The following BCAS3 variants were observed in gnomAD, a reference collection of about 807,000 sequenced individuals.
BCAS3 encodes the protein BCAS4/BCAS3 fusion.
Under a neutral mutation model 116.1 loss-of-function variants are expected in BCAS3, and 53 were observed. The observed-to-expected ratio is 0.46, with a 90% confidence interval of 0.37 to 0.57. The LOEUF is 0.57. Ranked by LOEUF, BCAS3 falls within the 20% of genes least tolerant of loss-of-function variation. The pLI is 0.00. For synonymous variants in BCAS3, 391 were observed against 408.2 expected, an observed-to-expected ratio of 0.96 and a Z score of 0.51; for missense variants, 917 against 1,165.4, an observed-to-expected ratio of 0.79 and a Z score of 3.10.
chr17:61,194,280 A>C (rs143617073), intron 22 of BCAS3, among the ~76,000 whole-genome samples: 58 of 152,310 alleles, frequency 3.8e-4, no homozygotes, highest in African/African-American at 1.3e-3. Context: ...GAGACAGAGA[A>C]AGAAAACATG....
chr17:60,988,567 G>T (rs2063330188), intron 14 of BCAS3, among the ~76,000 whole-genome samples: 1 of 151,510 alleles, frequency 6.6e-6, no homozygotes, highest in Non-Finnish European at 1.5e-5. Context: ...ATCTTCAGTC[G>T]CATTACTTGT....
intron 7 of BCAS3, among the ~76,000 whole-genome samples, chr17:60,868,330 TATC>T (rs2054810059): frequency 6.6e-6 from 1 of 152,112 alleles, no homozygotes; most frequent in South Asian, 2.1e-4. Context: ...AGCCTAATCA[TATC>T]ATTTTTCTTC....
rs1171143691 is a variant in BCAS3, at chr17:61,095,784, TA to T, written c.2425+11222del. Among the ~76,000 whole-genome samples, 1 of 151,984 alleles carries T rather than the reference TA, an allele frequency of 6.6e-6. No homozygotes were observed. Among genetic ancestry groups the T allele is most frequent in the African/African-American group, 2.4e-5 (1 of 41,376 alleles). On this transcript the variant is annotated intron_variant, in intron 22 of 23. Coordinates refer to ENST00000407086, the MANE Select transcript of BCAS3 (RefSeq NM_017679.5). This position sits in a 1 kb window ranked among gnomAD's most constrained non-coding sequence, Gnocchi z 4.7. Reference sequence around the variant, plus strand: ...ACCTGACTGGGGTCCTGAGTTTTTTTAAGCACACTGGGATCCTGAATTTTAA... The same window carrying T: ...ACCTGACTGGGGTCCTGAGTTTTTTTAGCACACTGGGATCCTGAATTTTAA...
chr17:61,109,408 C>T (rs1233542575), intron 22 of BCAS3, among the ~76,000 whole-genome samples: 1 of 151,752 alleles, frequency 6.6e-6, no homozygotes, highest in African/African-American at 2.4e-5. Flanking sequence ...GTGCTATAAA[C>T]GTGTGTGCAA....
chr17:61,137,419 CATATAGCAA>C (rs1372624223), intron 22 of BCAS3, among the ~76,000 whole-genome samples: 1 of 152,178 alleles, frequency 6.6e-6, no homozygotes, highest in African/African-American at 2.4e-5. Flanking sequence ...ATAGTATGTG[CATATAGCAA>C]ATATGAGCAA....
At chr17:60,707,226 C>T (rs2037277601) in intron 4 of BCAS3, among the ~76,000 whole-genome samples, 1 of 152,100 alleles carries the variant, frequency 6.6e-6, no homozygotes, top group South Asian at 2.1e-4. Context: ...TTCCCGACCT[C>T]AGGTGATCTG....
intron 7 of BCAS3, among the ~76,000 whole-genome samples, chr17:60,866,574 C>T (rs922681479): frequency 6.6e-6 from 1 of 152,148 alleles, no homozygotes; most frequent in Non-Finnish European, 1.5e-5. Flanking sequence ...GAAAGTGACT[C>T]TTCTACCTTA....
chr17:60,678,723 A>T (rs1204160576), intron 1 of BCAS3, among the ~76,000 whole-genome samples: 21 of 152,194 alleles, frequency 1.4e-4, no homozygotes, highest in Admixed American at 1.4e-3. Context: ...GTTTAATTGG[A>T]AGGTAGAGTG....
At chr17:60,736,924 T>TCCTCCCTC (rs573369408) in intron 5 of BCAS3, among the ~76,000 whole-genome samples, 26 of 127,746 alleles carry the variant, frequency 2.0e-4, no homozygotes, top group African/African-American at 6.8e-4. Context: ...CTTCCTCCCT[T>TCCTCCCTC]CCTCCCTCCC....
At position 61,381,518 on chromosome 17, in the gene BCAS3, T is replaced by G. The variant is rs140461664; in HGVS notation, c.2594-10459T>G. On this transcript the variant is annotated intron_variant, in intron 23 of 23. Transcript: ENST00000407086. The surrounding 1 kb of genome is among the most constrained non-coding windows in gnomAD (Gnocchi z 6.0). ...CCCAACACCATTCCTTTGGCTAGGC[T>G]TGGCCTAGAACACTAGACCAAGAAC... Among the ~76,000 whole-genome samples the G allele has an allele frequency of 3.9e-4, 60 of 152,310 alleles. No homozygotes were observed. Among genetic ancestry groups the G allele is most frequent in the Admixed American group, 1.4e-3 (21 of 15,304 alleles).
chr17:61,261,778 G>A lies in BCAS3; in HGVS notation c.2426-106549G>A, dbSNP rs995378466. Among the ~76,000 whole-genome samples, 1 of 152,166 alleles carries A rather than the reference G, an allele frequency of 6.6e-6. No homozygotes were observed. The highest frequency in any genetic ancestry group is 1.5e-5 in the Non-Finnish European group (1 of 68,032). On this transcript the variant is annotated intron_variant, in intron 22 of 23. Coordinates refer to ENST00000407086, the MANE Select transcript of BCAS3 (RefSeq NM_017679.5). This position sits in a 1 kb window ranked among gnomAD's most constrained non-coding sequence, Gnocchi z 4.4. The stretch of plus-strand genomic sequence containing the variant: ...GAGATTGTCAAGACTTCTCATTTCT[G>A]TATCAGAATGGTTATATCATTCCCT...
chr17:61,202,082 T>G (rs2080864271), intron 22 of BCAS3, among the ~76,000 whole-genome samples: 2 of 84,916 alleles, frequency 2.4e-5, no homozygotes, highest in African/African-American at 4.3e-5. Context: ...TTTTTTTTTT[T>G]GTAATTTTTA....
intron 14 of BCAS3, among the ~76,000 whole-genome samples, chr17:60,973,089 A>G (rs1229297947): frequency 6.6e-6 from 1 of 152,184 alleles, no homozygotes; most frequent in Non-Finnish European, 1.5e-5. Flanking sequence ...GTTTTTTAAA[A>G]TCAGTGTTTA....
chr17:60,858,100 T>C (rs190597188), intron 7 of BCAS3, among the ~76,000 whole-genome samples: 20 of 152,160 alleles, frequency 1.3e-4, no homozygotes, highest in African/African-American at 4.6e-4. Context: ...TTTCATTCAT[T>C]ATTAACTCAT....
rs1568055223 is a variant in BCAS3 at position 60,990,499 on chromosome 17, A to AT, written c.1486+269dup. On this transcript the variant is annotated intron_variant, in intron 15 of 23. Coordinates refer to ENST00000407086, the MANE Select transcript of BCAS3 (RefSeq NM_017679.5). The surrounding 1 kb of genome is among the most constrained non-coding windows in gnomAD (Gnocchi z 5.1). ...TTTATGGAATATAAAACTTGGAACTATTTTTATAACTTCAGAGAACTGAAC... is the reference window on the plus strand; with the variant it reads ...TTTATGGAATATAAAACTTGGAACTATTTTTTATAACTTCAGAGAACTGAAC... Among the ~76,000 whole-genome samples the AT allele has an allele frequency of 6.6e-6, 1 of 152,204 alleles. No homozygotes were observed. The highest frequency in any genetic ancestry group is 1.5e-5 in the Non-Finnish European group (1 of 68,038).
chr17:60,966,054 AATTGACCCCTTTATC>A (rs1341216128), intron 14 of BCAS3, among the ~76,000 whole-genome samples: 1 of 152,188 alleles, frequency 6.6e-6, no homozygotes, highest in East Asian at 1.9e-4. Flanking sequence ...ATGTTTACTT[AATTGACCCCTTTATC>A]ATTGTATAGT....
Position 61,281,118 on chromosome 17 carries a change from C to G in BCAS3, c.2426-87209C>G, listed in dbSNP as rs2051205208. Among the ~76,000 whole-genome samples the G allele has an allele frequency of 6.6e-6, 1 of 152,168 alleles. No individual in the cohort carries two copies. The highest frequency in any genetic ancestry group is 1.5e-5 in the Non-Finnish European group (1 of 68,038). ...TTTTTCTTTGCATCGAAAAAATACA[C>G]TACTATGCACACTCTTTCCATATAT... On this transcript the variant is annotated intron_variant, in intron 22 of 23. Coordinates refer to ENST00000407086, the MANE Select transcript of BCAS3 (RefSeq NM_017679.5). The surrounding 1 kb of genome is among the most constrained non-coding windows in gnomAD (Gnocchi z 4.2).
intron 7 of BCAS3, among the ~76,000 whole-genome samples, chr17:60,847,590 T>C: frequency 6.6e-6 from 1 of 152,258 alleles, no homozygotes; most frequent in East Asian, 1.9e-4. Flanking sequence ...TAATGACTAA[T>C]GATGTTGAGC....
chr17:61,147,997 AG>A (rs1323909267), intron 22 of BCAS3, among the ~76,000 whole-genome samples: 13 of 151,462 alleles, frequency 8.6e-5, no homozygotes, highest in African/African-American at 1.2e-4. Context: ...AGAAAAAAAA[AG>A]AAAGAAAGAA....
Sources: allele counts gnomAD v4.1 joint callset (sites outside exome capture counted in the v4.1 genomes callset), GRCh38; gene constraint gnomAD v4.1.1; non-coding constraint Gnocchi (gnomAD v3.1); transcripts MANE v1.5; gene names NCBI Gene and HGNC (gene_info 2026-07-23, HGNC 2026-07-21).